ZNF740: variants seen among roughly 807,000 people sequenced by gnomAD.
ZNF740 encodes the protein oriLyt TD-element-binding protein 7.
In ZNF740, 14 loss-of-function variants were observed where a neutral mutation model predicts 24.8. That is an observed-to-expected ratio of 0.56 (90% CI 0.37 to 0.88). ZNF740 has a LOEUF of 0.88. Ranked by LOEUF, ZNF740 falls within the 40% of genes least tolerant of loss-of-function variation. ZNF740 has a pLI of 0.00. For missense variants in ZNF740, 201 were observed against 247.9 expected (o/e 0.81, Z 1.27); for synonymous variants, 69 against 84.0 (o/e 0.82, Z 0.98).
chr12:53,188,267 C>G lies in ZNF740; in HGVS notation c.*677C>G, dbSNP rs1941861826. The G allele has an allele frequency of 6.5e-6, 1 of 152,776 alleles. No homozygotes were observed. The highest frequency in any genetic ancestry group is 2.4e-5 in the African/African-American group (1 of 41,454). 9.5% of individuals were successfully genotyped at this position (152,776 alleles called of 1,614,324 possible). A position where few individuals can be genotyped will look rare whatever the true frequency, so the allele number is the denominator to read the frequency against. On this transcript the variant is annotated 3_prime_UTR_variant, in exon 7 of 7. Transcript: ENST00000416904. ...TGGATCCAAAAAGTGGATGGCACCT[C>G]TTCCTTCCTCAAGGGAAAAGGAAGA...
chr12:53,184,122 T>G (rs954303805), intron 2 of ZNF740, among the ~76,000 whole-genome samples: 1 of 120,492 alleles, frequency 8.3e-6, no homozygotes, highest in African/African-American at 3.8e-5. Context: ...GGGGTGTGTG[T>G]GTGTGTGTGT....
At position 53,193,591 on chromosome 12, in the gene ZNF740, G is replaced by A; in HGVS notation, c.*6001G>A. ...AAGCTTCAAGGGATGAAACTGAGTGGGGAGTCGGGATGTCGAGGAGACTCC... is the reference window on the plus strand; with the variant it reads ...AAGCTTCAAGGGATGAAACTGAGTGAGGAGTCGGGATGTCGAGGAGACTCC... On this transcript the variant is annotated 3_prime_UTR_variant, in exon 7 of 7. Coordinates refer to ENST00000416904, the MANE Select transcript of ZNF740 (RefSeq NM_001004304.4). 2.1e-6 allele frequency: 2 copies of A among 931,448 alleles called. No homozygotes were observed. Among genetic ancestry groups the A allele is most frequent in the South Asian group, 3.5e-5 (2 of 56,904 alleles). The allele number at this position is 931,448 out of a possible 1,614,324, so 57.7% of individuals were successfully genotyped here. A position where few individuals can be genotyped will look rare whatever the true frequency, so the allele number is the denominator to read the frequency against.
At position 53,194,127 on chromosome 12, in the gene ZNF740, T is replaced by C; in HGVS notation, c.*6537T>C. The C allele has an allele frequency of 6.2e-7, 1 of 1,601,390 alleles. No individual in the cohort carries two copies. Among genetic ancestry groups the C allele is most frequent in the East Asian group, 2.2e-5 (1 of 44,784 alleles). On this transcript the variant is annotated 3_prime_UTR_variant, in exon 7 of 7. Coordinates refer to ENST00000416904, the MANE Select transcript of ZNF740 (RefSeq NM_001004304.4). ...CACTCCCTGTACCTGCCACCCATCTTTTCCTGCCTGCTTAATTTCCCACTC... is the reference window on the plus strand; with the variant it reads ...CACTCCCTGTACCTGCCACCCATCTCTTCCTGCCTGCTTAATTTCCCACTC...
At chr12:53,186,290 G>A in intron 5 of ZNF740, 101 bp from the exon 6 acceptor site, 1 of 1,211,980 alleles carries the variant, frequency 8.3e-7, no homozygotes, top group Non-Finnish European at 1.2e-6. Context: ...GATCACTTAG[G>A]TGTCTACACA....
In ZNF740 at chr12:53,191,647, A is replaced by G; in HGVS notation, c.*4057A>G. Reference sequence around the variant, plus strand: ...GAGAGGATTACTGTCCTGGAGAAAGATGTTGCAGATTATAAGCAAAAATCC... The same window carrying G: ...GAGAGGATTACTGTCCTGGAGAAAGGTGTTGCAGATTATAAGCAAAAATCC... On this transcript the variant is annotated 3_prime_UTR_variant, in exon 7 of 7. Coordinates refer to ENST00000416904, the MANE Select transcript of ZNF740 (RefSeq NM_001004304.4). The G allele has an allele frequency of 6.2e-7, 1 of 1,610,274 alleles. No individual in the cohort carries two copies. The highest frequency in any genetic ancestry group is 8.5e-7 in the Non-Finnish European group (1 of 1,176,506).
In ZNF740 at chr12:53,188,982, C is replaced by T. The variant is rs1295901212; in HGVS notation, c.*1392C>T. On this transcript the variant is annotated 3_prime_UTR_variant, in exon 7 of 7. Coordinates refer to ENST00000416904, the MANE Select transcript of ZNF740 (RefSeq NM_001004304.4). ...TGGCATATTATTGAGCCAAACCCTT[C>T]TCTGGCCCTCACCTTCAGGGAGGAT... 1 of 152,166 alleles carries T rather than the reference C, an allele frequency of 6.6e-6. No individual in the cohort carries two copies. Among genetic ancestry groups the T allele is most frequent in the East Asian group, 1.9e-4 (1 of 5,200 alleles). The allele number at this position is 152,166 out of a possible 1,614,324, so 9.4% of individuals were successfully genotyped here. A position where few individuals can be genotyped will look rare whatever the true frequency, so the allele number is the denominator to read the frequency against.
intron 1 of ZNF740, 188 bp downstream of exon 1, chr12:53,181,025 C>T: frequency 2.3e-6 from 2 of 863,226 alleles, no homozygotes; most frequent in Non-Finnish European, 2.9e-6. Flanking sequence ...GCCCGCGCGT[C>T]CCGCCGCGTC....
In ZNF740 at chr12:53,191,962, A is replaced by G. The variant is rs532853354; in HGVS notation, c.*4372A>G. On this transcript the variant is annotated 3_prime_UTR_variant, in exon 7 of 7. Coordinates refer to ENST00000416904, the MANE Select transcript of ZNF740 (RefSeq NM_001004304.4). ...GTAAGCCAGGACCAGCCCCAGCCCC[A>G]CTGCCACGATGCCCCCTACGCAGCC... 1.9e-6 allele frequency: 3 copies of G among 1,611,622 alleles called. No homozygotes were observed. The highest frequency in any genetic ancestry group is 1.3e-5 in the African/African-American group (1 of 74,774).
Position 53,186,279 on chromosome 12 carries a change from T to G in ZNF740, c.374-112T>G, listed in dbSNP as rs1209115096. ...ACCTTTGGGGACCTCTCCCCATTTA[T>G]GATCACTTAGGTGTCTACACATTAC... On this transcript the variant is annotated intron_variant, in intron 5 of 6. Coordinates refer to ENST00000416904, the MANE Select transcript of ZNF740 (RefSeq NM_001004304.4). The G allele has an allele frequency of 6.7e-6, 8 of 1,186,388 alleles. No homozygotes were observed. The East Asian group carries it at 7.7e-5, about 11-fold the overall frequency. The allele number at this position is 1,186,388 out of a possible 1,614,324, so 73.5% of individuals were successfully genotyped here. A position where few individuals can be genotyped will look rare whatever the true frequency, so the allele number is the denominator to read the frequency against.
In ZNF740 at chr12:53,191,644, A is replaced by G; in HGVS notation, c.*4054A>G. 2 of 1,611,254 alleles carry G rather than the reference A, an allele frequency of 1.2e-6. No individual in the cohort carries two copies. The highest frequency in any genetic ancestry group is 1.7e-6 in the Non-Finnish European group (2 of 1,177,436). ...GTAGAGAGGATTACTGTCCTGGAGAAAGATGTTGCAGATTATAAGCAAAAA... is the reference window on the plus strand; with the variant it reads ...GTAGAGAGGATTACTGTCCTGGAGAGAGATGTTGCAGATTATAAGCAAAAA... On this transcript the variant is annotated 3_prime_UTR_variant, in exon 7 of 7. Transcript: ENST00000416904.
chr12:53,182,634 G>A (rs1941698944), intron 2 of ZNF740, among the ~76,000 whole-genome samples: 1 of 152,146 alleles, frequency 6.6e-6, no homozygotes, highest in Admixed American at 6.5e-5. Context: ...AGCGAGAAGG[G>A]TGTTTGGACA....
chr12:53,180,972 C>G (rs551444653), intron 1 of ZNF740, 135 bp downstream of exon 1: 2 of 635,080 alleles, frequency 3.1e-6, no homozygotes, highest in African/African-American at 4.1e-5. Context: ...AGGGGGATCT[C>G]CGGGGGAGGG....
In ZNF740 at chr12:53,193,309, G is replaced by T; in HGVS notation, c.*5719G>T. 5.6e-6 allele frequency: 9 copies of T among 1,610,436 alleles called. No homozygotes were observed. Among genetic ancestry groups the T allele is most frequent in the Non-Finnish European group, 7.6e-6 (9 of 1,177,314 alleles). ...GGCACCCAGATTCCAGGTCTGGGGA[G>T]GACAGCTCTGCCACAGAGCACTCAC... On this transcript the variant is annotated 3_prime_UTR_variant, in exon 7 of 7. Coordinates refer to ENST00000416904, the MANE Select transcript of ZNF740 (RefSeq NM_001004304.4).
Position 53,190,445 on chromosome 12 carries a change from G to C in ZNF740, c.*2855G>C, listed in dbSNP as rs1162156060. 1 of 152,718 alleles carries C rather than the reference G, an allele frequency of 6.5e-6. No individual in the cohort carries two copies. The highest frequency in any genetic ancestry group is 1.5e-5 in the Non-Finnish European group (1 of 68,136). 9.5% of individuals were successfully genotyped at this position (152,718 alleles called of 1,614,324 possible). ...AGTTCCGGGTAGGCTGCTGCACCAGGCCCTACCAGCTCAGGCTATAAACAG... is the reference window on the plus strand; with the variant it reads ...AGTTCCGGGTAGGCTGCTGCACCAGCCCCTACCAGCTCAGGCTATAAACAG... On this transcript the variant is annotated 3_prime_UTR_variant, in exon 7 of 7. Transcript: ENST00000416904.
rs1003486453 is a variant in ZNF740, at chr12:53,183,496, T to A, written c.10-1395T>A. Among the ~76,000 whole-genome samples the A allele has an allele frequency of 5.9e-5, 9 of 152,356 alleles. No homozygotes were observed. The East Asian group carries it at 1.7e-3, about 29-fold the overall frequency. On this transcript the variant is annotated intron_variant, in intron 2 of 6. Transcript: ENST00000416904. Reference sequence around the variant, plus strand: ...TGACCAACGATTTCTTAAAATTTTTTTTTTCAGTAAGAAAAGTATTTTCTT... The same window carrying A: ...TGACCAACGATTTCTTAAAATTTTTATTTTCAGTAAGAAAAGTATTTTCTT...
Position 53,193,144 on chromosome 12 carries a change from G to T in ZNF740, c.*5554G>T, listed in dbSNP as rs756246529. 1.2e-6 allele frequency: 2 copies of T among 1,607,434 alleles called. No individual in the cohort carries two copies. Among genetic ancestry groups the T allele is most frequent in the Non-Finnish European group, 1.7e-6 (2 of 1,174,956 alleles). On this transcript the variant is annotated 3_prime_UTR_variant, in exon 7 of 7. Coordinates refer to ENST00000416904, the MANE Select transcript of ZNF740 (RefSeq NM_001004304.4). ...TCTCCCCAAGGCTCCAGGTACCTCC[G>T]CAGAGGATGCCCTCATGTCGCTCAC...
In ZNF740 at chr12:53,192,796, C is replaced by CA. The variant is rs749233126; in HGVS notation, c.*5206_*5207insA. Reference sequence around the variant, plus strand: ...GTTGCATTTGCAGCGTCCATGCCCACTGCAGAGCCCTCCCTCGGGACTGAT... The same window carrying CA: ...GTTGCATTTGCAGCGTCCATGCCCACATGCAGAGCCCTCCCTCGGGACTGAT... On this transcript the variant is annotated 3_prime_UTR_variant, in exon 7 of 7. Transcript: ENST00000416904. The CA allele has an allele frequency of 6.2e-7, 1 of 1,614,268 alleles. No individual in the cohort carries two copies. The highest frequency in any genetic ancestry group is 1.1e-5 in the South Asian group (1 of 91,092).
chr12:53,193,080 A>G lies in ZNF740; in HGVS notation c.*5490A>G. 1 of 1,479,646 alleles carries G rather than the reference A, an allele frequency of 6.8e-7. No individual in the cohort carries two copies. Among genetic ancestry groups the G allele is most frequent in the Non-Finnish European group, 9.3e-7 (1 of 1,074,398 alleles). 91.7% of individuals were successfully genotyped at this position (1,479,646 alleles called of 1,614,324 possible). ...GCCTTCCATGCCAGGAGATTCCCAGAGCCTAAGTGCCTTGGGAAGGCCTCT... is the reference window on the plus strand; with the variant it reads ...GCCTTCCATGCCAGGAGATTCCCAGGGCCTAAGTGCCTTGGGAAGGCCTCT... On this transcript the variant is annotated 3_prime_UTR_variant, in exon 7 of 7. Coordinates refer to ENST00000416904, the MANE Select transcript of ZNF740 (RefSeq NM_001004304.4).
chr12:53,192,704 A>T lies in ZNF740; in HGVS notation c.*5114A>T, dbSNP rs778272692. On this transcript the variant is annotated 3_prime_UTR_variant, in exon 7 of 7. Transcript: ENST00000416904. ...CTGAGGCCTCACCGGTGTCTCTCGC[A>T]TGGTGTCTTGCAGCCTGGGCATTGG... 1 of 1,613,938 alleles carries T rather than the reference A, an allele frequency of 6.2e-7. No individual in the cohort carries two copies. Among genetic ancestry groups the T allele is most frequent in the Non-Finnish European group, 8.5e-7 (1 of 1,179,918 alleles).
Sources: gnomAD v4.1 joint callset for allele counts (sites outside exome capture counted in the v4.1 genomes callset) on GRCh38, gnomAD v4.1.1 for gene constraint, MANE v1.5 for transcripts, NCBI Gene and HGNC (gene_info 2026-07-23, HGNC 2026-07-21) for gene names.